The following C1GALT1 variants were observed in gnomAD, a reference collection of about 807,000 sequenced individuals.
C1GALT1 encodes core 1 synthase, glycoprotein-N-acetylgalactosamine 3-beta-galactosyltransferase 1.
C1GALT1 carries 11 observed loss-of-function variants against 31.0 expected under a neutral mutation model. The observed-to-expected ratio is 0.36, with a 90% CI of 0.22 to 0.59. The LOEUF (loss-of-function observed/expected upper bound fraction) is 0.59. Ranked by LOEUF, C1GALT1 falls within the 20% of genes least tolerant of loss-of-function variation. The pLI, the probability that C1GALT1 is intolerant of heterozygous loss-of-function variation, is 0.79. For missense variants in C1GALT1, 424 were observed against 425.2 expected (o/e 1.00, Z 0.03); for synonymous variants, 175 against 143.6 (o/e 1.22, Z -1.56).
chr7:7,157,754 C>T (rs957192083), intron 2 of C1GALT1, among the ~76,000 whole-genome samples: 10 of 152,116 alleles, frequency 6.6e-5, no homozygotes, highest in African/African-American at 2.4e-4. Flanking sequence ...TTTTCTTTAC[C>T]ACCAAACTTC....
chr7:7,201,080 C>G (rs1038362840), intron 1 of C1GALT1, among the ~76,000 whole-genome samples: 7 of 152,194 alleles, frequency 4.6e-5, no homozygotes, highest in Non-Finnish European at 8.8e-5. Flanking sequence ...AAGAGGCGCT[C>G]TGATTTTTAG....
intron 1 of C1GALT1, among the ~76,000 whole-genome samples, chr7:7,203,135 G>C (rs1583773054): frequency 1.4e-5 from 2 of 140,364 alleles, no homozygotes; most frequent in African/African-American, 5.3e-5. Flanking sequence ...CTGCATATAA[G>C]ATCATATCAT....
At chr7:7,204,859 A>G (rs1781669723) in intron 1 of C1GALT1, among the ~76,000 whole-genome samples, 2 of 151,604 alleles carry the variant, frequency 1.3e-5, no homozygotes, top group Non-Finnish European at 1.5e-5. Context: ...TCTTTTATTG[A>G]TTTCTAACTT....
At chr7:7,211,838 T>G (rs6956105) in intron 1 of C1GALT1, among the ~76,000 whole-genome samples, 6,195 of 152,280 alleles carry the variant, frequency 0.041, 278 homozygotes, top group African/African-American at 0.12. Context: ...TGCAGAAGAT[T>G]ACCACTTGAG....
chr7:7,207,862 C>G (rs1781821487), intron 1 of C1GALT1, among the ~76,000 whole-genome samples: 1 of 151,080 alleles, frequency 6.6e-6, no homozygotes, highest in Admixed American at 6.6e-5. Context: ...AAGGTATTTT[C>G]AGGTCTTTTC....
chr7:7,220,831 C>T (rs530395588), intron 1 of C1GALT1, among the ~76,000 whole-genome samples: 13 of 152,280 alleles, frequency 8.5e-5, no homozygotes, highest in Admixed American at 5.2e-4. Context: ...TTATTCTTCC[C>T]TCACACTTGT....
intron 1 of C1GALT1, among the ~76,000 whole-genome samples, chr7:7,210,155 C>A (rs536076963): frequency 6.6e-6 from 1 of 152,238 alleles, no homozygotes; most frequent in African/African-American, 2.4e-5. Flanking sequence ...CTGACAGAAC[C>A]TGTTGAGGTT....
intron 1 of C1GALT1, among the ~76,000 whole-genome samples, chr7:7,205,633 C>CTG (rs1381107703): frequency 2.0e-5 from 3 of 152,074 alleles, no homozygotes; most frequent in South Asian, 4.1e-4. Context: ...ATATCTTTTG[C>CTG]TGTATTGAAT....
chr7:7,165,534 G>C (rs1289186540), intron 2 of C1GALT1, among the ~76,000 whole-genome samples: 1 of 152,128 alleles, frequency 6.6e-6, no homozygotes, highest in African/African-American at 2.4e-5. Context: ...AAGTGAGAAA[G>C]ATTAAGAGGA....
At chr7:7,188,361 G>T (rs921020826) in intron 1 of C1GALT1, among the ~76,000 whole-genome samples, 6 of 152,180 alleles carry the variant, frequency 3.9e-5, no homozygotes, top group Non-Finnish European at 7.3e-5. Context: ...GATGCCTATG[G>T]TCCAGGTGGA....
chr7:7,242,300 A>C lies in C1GALT1; in HGVS notation c.889-1224A>C, dbSNP rs142102037. Among the ~76,000 whole-genome samples the C allele has an allele frequency of 7.8e-3, 1,167 of 150,336 alleles. 23 individuals carry two copies. The highest frequency in any genetic ancestry group is 9.5e-3 in the Non-Finnish European group (641 of 67,574). ...AGCTAGTTTAGATAATCACAAGTTG[A>C]CTTATCTGGTTATTTTTCCTATTTG... On this transcript the variant is annotated intron_variant, in intron 3 of 3. Coordinates refer to ENST00000436587, the MANE Select transcript of C1GALT1 (RefSeq NM_020156.5).
chr7:7,186,857 T>G (rs1356491860), intron 1 of C1GALT1, among the ~76,000 whole-genome samples: 2 of 152,122 alleles, frequency 1.3e-5, no homozygotes, highest in African/African-American at 2.4e-5. Flanking sequence ...GGAGAAGAGA[T>G]CAGAAAGAAA....
intron 2 of C1GALT1, among the ~76,000 whole-genome samples, chr7:7,160,149 C>T (rs1393161110): frequency 6.6e-6 from 1 of 152,118 alleles, no homozygotes; most frequent in East Asian, 1.9e-4. Context: ...TCCCTAGTAC[C>T]TTTCCACATT....
At chr7:7,163,995 G>C (rs1780366231) in intron 2 of C1GALT1, among the ~76,000 whole-genome samples, 2 of 152,074 alleles carry the variant, frequency 1.3e-5, no homozygotes, top group South Asian at 4.1e-4. Flanking sequence ...CCAAAAAAGA[G>C]CCCGCATCGC....
intron 1 of C1GALT1, among the ~76,000 whole-genome samples, chr7:7,231,027 C>G (rs1698455503): frequency 6.6e-6 from 1 of 152,048 alleles, no homozygotes; most frequent in Admixed American, 6.5e-5. Flanking sequence ...TTCCTTCTGC[C>G]TGAAGAATTA....
At chr7:7,242,372 A>T (rs1783671638) in intron 3 of C1GALT1, among the ~76,000 whole-genome samples, 1 of 152,022 alleles carries the variant, frequency 6.6e-6, no homozygotes, top group African/African-American at 2.4e-5. Context: ...GTTGTCTAAG[A>T]ATCTACATAT....
chr7:7,245,160 CATGTTTATCATT>C lies in C1GALT1; in HGVS notation c.*1437_*1448del, dbSNP rs1783791834. The stretch of plus-strand genomic sequence containing the variant: ...TGGTACAAAGTATTTACATTTCCCT[CATGTTTATCATT>C]ATGCCAATTTTACATGGCAGTCATG... On this transcript the variant is annotated 3_prime_UTR_variant, in exon 4 of 4. Coordinates refer to ENST00000436587, the MANE Select transcript of C1GALT1 (RefSeq NM_020156.5). 6.6e-6 allele frequency: 1 copy of C among 152,238 alleles called. No homozygotes were observed. Among genetic ancestry groups the C allele is most frequent in the African/African-American group, 2.4e-5 (1 of 41,452 alleles). The allele number at this position is 152,238 out of a possible 1,614,324, so 9.4% of individuals were successfully genotyped here.
chr7:7,191,349 A>G (rs1013145392), intron 1 of C1GALT1, among the ~76,000 whole-genome samples: 2 of 152,164 alleles, frequency 1.3e-5, no homozygotes, highest in Non-Finnish European at 2.9e-5. Context: ...ATACTATTCC[A>G]TTGTATGTAA....
At position 7,247,400 on chromosome 7, in the gene C1GALT1, T is replaced by C. The variant is rs187337283; in HGVS notation, c.*3673T>C. The C allele has an allele frequency of 6.6e-6, 1 of 152,290 alleles. No homozygotes were observed. The highest frequency in any genetic ancestry group is 1.9e-4 in the East Asian group (1 of 5,188). 9.4% of individuals were successfully genotyped at this position (152,290 alleles called of 1,614,324 possible). On this transcript the variant is annotated 3_prime_UTR_variant, in exon 4 of 4. Coordinates refer to ENST00000436587, the MANE Select transcript of C1GALT1 (RefSeq NM_020156.5). ...GAAGTTCATAGATAAAGCAGATTTT[T>C]GTCCCAGTTTGCTTTCAAATATAAA...
Sources: gnomAD v4.1 joint callset for allele counts (sites outside exome capture counted in the v4.1 genomes callset) on GRCh38, gnomAD v4.1.1 for gene constraint, MANE v1.5 for transcripts, NCBI Gene and HGNC (gene_info 2026-07-23, HGNC 2026-07-21) for gene names.